Variants in MICU3 observed in about 807,000 individuals in gnomAD.
The protein encoded by MICU3 is mitochondrial calcium uptake 3.
MICU3 carries 62 observed loss-of-function variants against 66.5 expected under a neutral mutation model. That is an observed-to-expected ratio of 0.93 (90% CI 0.76 to 1.15). MICU3 has a LOEUF of 1.15. MICU3 is among the 50% of genes most tolerant of loss of function. MICU3 has a pLI of 0.00. For synonymous variants in MICU3, 308 were observed against 240.7 expected (o/e 1.28, Z -2.59); for missense variants, 779 against 664.4 (o/e 1.17, Z -1.90).
chr8:17,055,544 G>A (rs1816790243), intron 1 of MICU3, among the ~76,000 whole-genome samples: 1 of 152,138 alleles, frequency 6.6e-6, no homozygotes, highest in Admixed American at 6.5e-5. Context: ...CTTAAGTGTG[G>A]TTGTGTGACT....
chr8:17,120,086 C>A (rs1486510322), intron 14 of MICU3, among the ~76,000 whole-genome samples: 1 of 152,094 alleles, frequency 6.6e-6, no homozygotes, highest in East Asian at 1.9e-4. Context: ...AAGTGGCTAC[C>A]TTTCTCTAAG....
At chr8:17,090,312 G>A (rs1326516363) in intron 7 of MICU3, among the ~76,000 whole-genome samples, 1 of 152,066 alleles carries the variant, frequency 6.6e-6, no homozygotes, top group Non-Finnish European at 1.5e-5. Flanking sequence ...TAATGAAATG[G>A]TTGAAATGAG....
the MICU3 span, among the ~76,000 whole-genome samples, chr8:17,130,754 C>T: frequency 6.6e-6 from 1 of 151,788 alleles, no homozygotes; most frequent in Non-Finnish European, 1.5e-5. Flanking sequence ...ATGGCTAACC[C>T]ATAACGCAGG....
Position 17,027,317 on chromosome 8 carries a change from G to C in MICU3, c.38G>C (p.Arg13Pro), listed in dbSNP as rs750483107. The C allele has an allele frequency of 7.2e-5, 103 of 1,427,962 alleles. No individual in the cohort carries two copies. Among genetic ancestry groups the C allele is most frequent in the Non-Finnish European group, 9.0e-5 (97 of 1,080,032 alleles). The allele number at this position is 1,427,962 out of a possible 1,614,324, so 88.5% of individuals were successfully genotyped here. A position where few individuals can be genotyped will look rare whatever the true frequency, so the allele number is the denominator to read the frequency against. Residue 13 changes from arginine (R) to proline (P), a missense_variant, in exon 1 of 15, where the codon CGG becomes CCG. By Grantham distance (103) the Arg-to-Pro change is moderately radical. Transcript: ENST00000318063. ...CGAAGGCTCTTGTGGCCGCCACCCC[G>C]GGTGTCTCCTCCACTCTGCGCTCAC... ...ALRRLLWPPPRVSPPLCAHQP... is the reference protein window; with the variant it reads ...ALRRLLWPPPPVSPPLCAHQP...
intron 2 of MICU3, among the ~76,000 whole-genome samples, chr8:17,066,544 T>G (rs1011501962): frequency 8.1e-5 from 5 of 61,532 alleles, no homozygotes; most frequent in Non-Finnish European, 1.4e-4. Context: ...TATATATAGA[T>G]TTTTTTTTTT....
downstream of MICU3, among the ~76,000 whole-genome samples, chr8:17,124,098 G>A (rs1338341271): frequency 6.6e-6 from 1 of 151,756 alleles, no homozygotes; most frequent in South Asian, 2.1e-4. Flanking sequence ...TTTTTAGCTT[G>A]TTAAGTATTT....
chr8:17,054,163 C>A (rs925050586), intron 1 of MICU3, among the ~76,000 whole-genome samples: 6 of 152,080 alleles, frequency 3.9e-5, no homozygotes, highest in African/African-American at 1.4e-4. Flanking sequence ...TTTTCCTATT[C>A]GGTGAAAAAT....
At chr8:17,066,633 C>G (rs1461391969) in intron 2 of MICU3, among the ~76,000 whole-genome samples, 3 of 150,066 alleles carry the variant, frequency 2.0e-5, no homozygotes, top group Non-Finnish European at 3.0e-5. Flanking sequence ...ACCTCAACCT[C>G]CGAGGCTCAA....
intron 3 of MICU3, among the ~76,000 whole-genome samples, chr8:17,074,760 A>AT (rs754245875): frequency 1.3e-5 from 2 of 151,882 alleles, no homozygotes; most frequent in Non-Finnish European, 2.9e-5. Flanking sequence ...ATTAACTATA[A>AT]TTTTTTTAAT....
intron 2 of MICU3, 114 bp downstream of exon 2, chr8:17,064,351 A>G: frequency 5.5e-6 from 4 of 727,176 alleles, no homozygotes; most frequent in Non-Finnish European, 6.5e-6. Context: ...GGTATTTCAC[A>G]TGATATTGTG....
At chr8:17,066,346 A>G (rs371840101) in intron 2 of MICU3, among the ~76,000 whole-genome samples, 2 of 151,858 alleles carry the variant, frequency 1.3e-5, no homozygotes, top group South Asian at 4.2e-4. Flanking sequence ...AAGACGACGT[A>G]AGATACAGAA....
intron 8 of MICU3, among the ~76,000 whole-genome samples, chr8:17,095,506 A>G (rs1800578068): frequency 6.6e-6 from 1 of 151,920 alleles, no homozygotes; most frequent in Admixed American, 6.6e-5. Flanking sequence ...TTTAAATATC[A>G]CTAATAGCAA....
At chr8:17,047,795 T>G (rs2150555367) in intron 1 of MICU3, among the ~76,000 whole-genome samples, 1 of 152,246 alleles carries the variant, frequency 6.6e-6, no homozygotes, top group East Asian at 1.9e-4. Context: ...AGATCATCAT[T>G]GAAAGAACCA....
chr8:17,041,310 A>T (rs896351751), intron 1 of MICU3, among the ~76,000 whole-genome samples: 1 of 152,178 alleles, frequency 6.6e-6, no homozygotes, highest in East Asian at 1.9e-4. Context: ...GAAGTCAAAA[A>T]AAGGTAATAC....
At chr8:17,082,631 G>C (rs995644393) in intron 5 of MICU3, among the ~76,000 whole-genome samples, 2 of 152,086 alleles carry the variant, frequency 1.3e-5, no homozygotes, top group East Asian at 3.9e-4. Flanking sequence ...AAAGTAGTTA[G>C]TGAATGAATG....
chr8:17,033,865 A>G (rs1812508080), intron 1 of MICU3, among the ~76,000 whole-genome samples: 1 of 152,216 alleles, frequency 6.6e-6, no homozygotes, highest in South Asian at 2.1e-4. Flanking sequence ...TGCAAGGTGA[A>G]GTGGAAATGA....
At position 17,108,557 on chromosome 8, in the gene MICU3, T is replaced by C. The variant is rs374209106; in HGVS notation, c.1257+2973T>C. Among the ~76,000 whole-genome samples the C allele has an allele frequency of 1.3e-4, 20 of 152,252 alleles. 1 individual carries two copies. The East Asian group carries it at 3.9e-3, about 29-fold the overall frequency. ...TGGCCAAAATTTTGGACTCCCTCTT[T>C]TCACATTCTACGTACAATCAGTCTA... On this transcript the variant is annotated intron_variant, in intron 11 of 14. Coordinates refer to ENST00000318063, the MANE Select transcript of MICU3 (RefSeq NM_181723.3).
chr8:17,064,559 A>C (rs1047324978), intron 2 of MICU3, among the ~76,000 whole-genome samples: 1 of 152,182 alleles, frequency 6.6e-6, no homozygotes, highest in African/African-American at 2.4e-5. Context: ...CTTTGAGGTT[A>C]GCCCTGGGCA....
rs1441103844 is a variant in MICU3, at chr8:17,104,462, A to C, written c.1056A>C (p.Lys352Asn). ...TACACTTTTTTGGAAAGAAAGGAAAAGCTGAGCTCAACTTTGAAGATTTTT... is the reference window on the plus strand; with the variant it reads ...TACACTTTTTTGGAAAGAAAGGAAACGCTGAGCTCAACTTTGAAGATTTTT... ...LLVHFFGKKG[K>N]AELNFEDFYR... Residue 352 changes from lysine to asparagine, a missense_variant, in exon 10 of 15, where the codon AAA becomes AAC. Lys to Asn is a moderately conservative substitution (Grantham distance 94, BLOSUM62 0). Transcript: ENST00000318063. 6.8e-7 allele frequency: 1 copy of C among 1,461,098 alleles called. No individual in the cohort carries two copies. Among genetic ancestry groups the C allele is most frequent in the Non-Finnish European group, 9.2e-7 (1 of 1,085,156 alleles). The allele number at this position is 1,461,098 out of a possible 1,614,324, so 90.5% of individuals were successfully genotyped here.
Sources: allele counts gnomAD v4.1 joint callset (sites outside exome capture counted in the v4.1 genomes callset), GRCh38; gene constraint gnomAD v4.1.1; transcripts MANE v1.5; gene names NCBI Gene and HGNC (gene_info 2026-07-23, HGNC 2026-07-21).